The following RAB35 variants were observed in gnomAD, a reference collection of about 807,000 sequenced individuals.
RAB35 encodes the protein ras-related protein Rab-35.
RAB35 carries 4 observed loss-of-function variants against 28.9 expected under a neutral mutation model. That is an observed-to-expected ratio of 0.14 (90% CI 0.07 to 0.32). The LOEUF is 0.32. RAB35 is among the 10% of genes least tolerant of loss of function. The probability of loss-of-function intolerance (pLI) is 1.00; values close to 1 mark genes in which losing one functional copy is unlikely to be tolerated. For synonymous variants in RAB35, 99 were observed against 105.1 expected (o/e 0.94, Z 0.35); for missense variants, 128 against 274.0 (o/e 0.47, Z 3.76).
Position 120,097,141 on chromosome 12 carries a change from C to A in RAB35, c.*104G>T. On this transcript the variant is annotated 3_prime_UTR_variant, in exon 6 of 6. Coordinates refer to ENST00000229340, the MANE Select transcript of RAB35 (RefSeq NM_006861.7). ...CCGATACAAAAACATGGAGAGAATT[C>A]TTTAAATAACGGCACGAAACTGAGA... The A allele has an allele frequency of 6.2e-7, 1 of 1,609,470 alleles. No individual in the cohort carries two copies. Among genetic ancestry groups the A allele is most frequent in the Non-Finnish European group, 8.5e-7 (1 of 1,178,942 alleles).
intron 1 of RAB35, 113 bp from the exon 2 acceptor site, chr12:120,108,580 G>C: frequency 1.1e-6 from 1 of 946,302 alleles, no homozygotes. Flanking sequence ...AGCTCGGTGG[G>C]ACCCAGCTCA....
rs1310766760 is a variant in RAB35 at position 120,096,434 on chromosome 12, G to GC, written c.*810dup. 11 of 1,287,332 alleles carry GC rather than the reference G, an allele frequency of 8.5e-6. No homozygotes were observed. The African/African-American group carries it at 1.1e-4, about 12-fold the overall frequency. 79.7% of individuals were successfully genotyped at this position (1,287,332 alleles called of 1,614,324 possible). On this transcript the variant is annotated 3_prime_UTR_variant, in exon 6 of 6. Coordinates refer to ENST00000229340, the MANE Select transcript of RAB35 (RefSeq NM_006861.7). ...GATCTGTTAAAATAATCCTCCCATA[G>GC]CCCCCCTGCCAGCCCCATCTCTGCA...
At chr12:120,108,694 C>G (rs1202054313) in intron 1 of RAB35, 1 of 668,174 alleles carries the variant, frequency 1.5e-6, no homozygotes, top group African/African-American at 1.8e-5. Context: ...ACAAGCTGCT[C>G]CCAAATCCCC....
chr12:120,103,756 G>C lies in RAB35; in HGVS notation c.227+70C>G, dbSNP rs1875753138. ...ACCAGTGACATTTCCACCATGACCAGGCACCGGTCGCTCAACTGTGTCCAC... is the reference window on the plus strand; with the variant it reads ...ACCAGTGACATTTCCACCATGACCACGCACCGGTCGCTCAACTGTGTCCAC... On this transcript the variant is annotated intron_variant, in intron 3 of 5. Transcript: ENST00000229340. This position sits in a 1 kb window ranked among gnomAD's most constrained non-coding sequence, Gnocchi z 6.1. The C allele has an allele frequency of 2.3e-5, 36 of 1,582,122 alleles. No homozygotes were observed. Among genetic ancestry groups the C allele is most frequent in the Non-Finnish European group, 3.0e-5 (35 of 1,162,096 alleles).
chr12:120,110,374 T>C (rs1350667662), intron 1 of RAB35, among the ~76,000 whole-genome samples: 1 of 141,992 alleles, frequency 7.0e-6, no homozygotes, highest in Non-Finnish European at 1.5e-5. Context: ...ACTCTAACCT[T>C]GAAATCCCCA....
chr12:120,105,658 TC>T lies in RAB35; in HGVS notation c.104-1710del, dbSNP rs1216605621. Reference sequence around the variant, plus strand: ...CAGGGCCCAGACCCGGCGCGCTGGCTCACGCCTGTAATCCCAGCACTCTGGG... The same window carrying T: ...CAGGGCCCAGACCCGGCGCGCTGGCTACGCCTGTAATCCCAGCACTCTGGG... On this transcript the variant is annotated intron_variant, in intron 2 of 5. Transcript: ENST00000229340. Among the ~76,000 whole-genome samples, 5 of 150,936 alleles carry T rather than the reference TC, an allele frequency of 3.3e-5. No homozygotes were observed. The South Asian group carries it at 1.1e-3, about 32-fold the overall frequency.
At position 120,103,971 on chromosome 12, in the gene RAB35, C is replaced by A. The variant is rs376309762; in HGVS notation, c.104-22G>T. The A allele has an allele frequency of 2.5e-6, 4 of 1,612,584 alleles. No homozygotes were observed. The highest frequency in any genetic ancestry group is 3.4e-6 in the Non-Finnish European group (4 of 1,179,340). ...CTGCCTGCACACACAGGGCAGTTAA[C>A]GAGGCCCAGCGCGGTATCTTCCCAG... On this transcript the variant is annotated intron_variant, in intron 2 of 5. Coordinates refer to ENST00000229340, the MANE Select transcript of RAB35 (RefSeq NM_006861.7). The surrounding 1 kb of genome is among the most constrained non-coding windows in gnomAD (Gnocchi z 6.1).
intron 1 of RAB35, among the ~76,000 whole-genome samples, chr12:120,112,576 G>A (rs934571810): frequency 1.1e-4 from 16 of 151,782 alleles, no homozygotes; most frequent in African/African-American, 2.2e-4. Flanking sequence ...GACCACAGGC[G>A]TGCACCACCA....
intron 1 of RAB35, chr12:120,108,799 C>T (rs1875995898): frequency 2.1e-6 from 1 of 468,670 alleles, no homozygotes; most frequent in African/African-American, 2.0e-5. Flanking sequence ...TGAAGGTCAA[C>T]CACACGAAAC....
chr12:120,104,795 G>A (rs1875807709), intron 2 of RAB35, among the ~76,000 whole-genome samples: 1 of 152,086 alleles, frequency 6.6e-6, no homozygotes, highest in Non-Finnish European at 1.5e-5. Context: ...CACCACGCCC[G>A]GCTAATTTTT....
At chr12:120,115,535 T>G (rs1876294339) in intron 1 of RAB35, among the ~76,000 whole-genome samples, 1 of 152,188 alleles carries the variant, frequency 6.6e-6, no homozygotes, top group Non-Finnish European at 1.5e-5. Context: ...CTTCCTGACC[T>G]CTTGGTCACT....
intron 1 of RAB35, among the ~76,000 whole-genome samples, chr12:120,112,043 C>T (rs191270068): frequency 4.0e-5 from 6 of 151,572 alleles, no homozygotes; most frequent in South Asian, 2.1e-4. Context: ...TACGGTGGCG[C>T]GATCTTGGCT....
rs939396176 is a variant in RAB35 at position 120,103,173 on chromosome 12, A to G, written c.227+653T>C. On this transcript the variant is annotated intron_variant, in intron 3 of 5. Transcript: ENST00000229340. This position sits in a 1 kb window ranked among gnomAD's most constrained non-coding sequence, Gnocchi z 6.1. ...CCCTTCAGACCCTGCTCTTTCCTAAAACCTGCTCCACTAACAACCCAATAA... is the reference window on the plus strand; with the variant it reads ...CCCTTCAGACCCTGCTCTTTCCTAAGACCTGCTCCACTAACAACCCAATAA... 3.3e-5 allele frequency among the ~76,000 whole-genome samples: 5 copies of G among 152,124 alleles called. No individual in the cohort carries two copies. Among genetic ancestry groups the G allele is most frequent in the African/African-American group, 1.2e-4 (5 of 41,426 alleles).
At chr12:120,104,044 C>T (rs1002142639) in intron 2 of RAB35, 95 bp from the exon 3 acceptor site, 41 of 1,503,424 alleles carry the variant, frequency 2.7e-5, no homozygotes, top group Non-Finnish European at 3.6e-5. Context: ...CTCCCCCACC[C>T]TCCCGACTCA....
intron 3 of RAB35, among the ~76,000 whole-genome samples, chr12:120,101,760 C>T (rs1011280819): frequency 6.6e-6 from 1 of 152,186 alleles, no homozygotes; most frequent in African/African-American, 2.4e-5. Flanking sequence ...AGGGGCCCAG[C>T]CGCTGCCCAC....
Position 120,096,250 on chromosome 12 carries a change from A to G in RAB35, c.*995T>C. The G allele has an allele frequency of 2.2e-6, 1 of 453,112 alleles. No individual in the cohort carries two copies. The highest frequency in any genetic ancestry group is 3.7e-6 in the Non-Finnish European group (1 of 269,890). 28.1% of individuals were successfully genotyped at this position (453,112 alleles called of 1,614,324 possible). ...TTCTCCGCTCCCACCAAGAAAGCCC[A>G]AGAGTCCAGCCCCACAATGGCAGGA... On this transcript the variant is annotated 3_prime_UTR_variant, in exon 6 of 6. Transcript: ENST00000229340.
Position 120,096,852 on chromosome 12 carries a change from G to A in RAB35, c.*393C>T. ...CTCAGGACGCTGCTTGCAGTAAGAT[G>A]GGCTGGGGAGGGGCGCGGGGAGGGT... On this transcript the variant is annotated 3_prime_UTR_variant, in exon 6 of 6. Coordinates refer to ENST00000229340, the MANE Select transcript of RAB35 (RefSeq NM_006861.7). The A allele has an allele frequency of 7.7e-7, 1 of 1,299,184 alleles. No homozygotes were observed. Among genetic ancestry groups the A allele is most frequent in the Non-Finnish European group, 1.0e-6 (1 of 995,170 alleles). The allele number at this position is 1,299,184 out of a possible 1,614,324, so 80.5% of individuals were successfully genotyped here. A position where few individuals can be genotyped will look rare whatever the true frequency, so the allele number is the denominator to read the frequency against.
At chr12:120,105,345 C>G (rs140870913) in intron 2 of RAB35, among the ~76,000 whole-genome samples, 401 of 150,570 alleles carry the variant, frequency 2.7e-3, no homozygotes, top group African/African-American at 8.3e-3. Flanking sequence ...CTGCCTAGCA[C>G]AGTTAGGCTC....
Position 120,103,733 on chromosome 12 carries a change from C to G in RAB35, c.227+93G>C. On this transcript the variant is annotated intron_variant, in intron 3 of 5. Coordinates refer to ENST00000229340, the MANE Select transcript of RAB35 (RefSeq NM_006861.7). This position sits in a 1 kb window ranked among gnomAD's most constrained non-coding sequence, Gnocchi z 6.1. The stretch of plus-strand genomic sequence containing the variant: ...CTTCCCGACAGCCTCAGGGACCCAC[C>G]AGTGACATTTCCACCATGACCAGGC... The G allele has an allele frequency of 6.5e-7, 1 of 1,544,288 alleles. No individual in the cohort carries two copies. Among genetic ancestry groups the G allele is most frequent in the African/African-American group, 1.4e-5 (1 of 73,774 alleles).
Sources: gnomAD v4.1 joint callset for allele counts (sites outside exome capture counted in the v4.1 genomes callset) on GRCh38, gnomAD v4.1.1 for gene constraint, Gnocchi (gnomAD v3.1) non-coding constraint, MANE v1.5 for transcripts, NCBI Gene and HGNC (gene_info 2026-07-23, HGNC 2026-07-21) for gene names.